The following LRRC49 variants were observed in gnomAD, a reference collection of about 807,000 sequenced individuals.
LRRC49 encodes the protein leucine-rich repeat-containing protein 49.
LRRC49 carries 50 observed loss-of-function variants against 83.3 expected under a neutral mutation model. The ratio of observed to expected loss-of-function variants is 0.60; its 90% CI spans 0.48 to 0.76. The LOEUF (loss-of-function observed/expected upper bound fraction) is 0.76, where lower values mean the gene tolerates loss of function less well. LRRC49 is among the 30% of genes least tolerant of loss of function. The pLI is 0.00. For synonymous variants in LRRC49, 286 were observed against 283.3 expected (o/e 1.01, Z -0.10); for missense variants, 704 against 809.1 (o/e 0.87, Z 1.58).
chr15:70,982,578 G>GA (rs2037442559), intron 10 of LRRC49, among the ~76,000 whole-genome samples: 2 of 151,984 alleles, frequency 1.3e-5, no homozygotes, highest in South Asian at 4.1e-4. Context: ...ACAAAATTTT[G>GA]AAACACCAAA....
chr15:70,871,921 C>G (rs1323158151), intron 1 of LRRC49, among the ~76,000 whole-genome samples: 1 of 141,152 alleles, frequency 7.1e-6, no homozygotes, highest in African/African-American at 2.7e-5. Flanking sequence ...ACTGGGCGGC[C>G]GGGCAGAGGG....
intron 14 of LRRC49, among the ~76,000 whole-genome samples, chr15:71,027,120 AAAGGTGTAAGG>A (rs1183546155): frequency 6.6e-6 from 1 of 151,734 alleles, no homozygotes; most frequent in African/African-American, 2.4e-5. Flanking sequence ...ACTTTTTGTA[AAAGGTGTAAGG>A]AAGGGGTCCA....
rs2036431712 is a variant in LRRC49, at chr15:70,957,145, T to C, written c.774-6640T>C. Among the ~76,000 whole-genome samples, 2 of 152,202 alleles carry C rather than the reference T, an allele frequency of 1.3e-5. 1 individual carries two copies. Among genetic ancestry groups the C allele is most frequent in the South Asian group, 4.1e-4 (2 of 4,834 alleles). Reference sequence around the variant, plus strand: ...ACCACCCATTCTTAGACCAATTCCATTGGCAATTATTAGATCAATTTAATT... The same window carrying C: ...ACCACCCATTCTTAGACCAATTCCACTGGCAATTATTAGATCAATTTAATT... On this transcript the variant is annotated intron_variant, in intron 8 of 15. Coordinates refer to ENST00000260382, the MANE Select transcript of LRRC49 (RefSeq NM_017691.5).
intron 15 of LRRC49, among the ~76,000 whole-genome samples, chr15:71,038,921 A>G (rs560200322): frequency 6.6e-6 from 1 of 152,326 alleles, no homozygotes; most frequent in African/African-American, 2.4e-5. Flanking sequence ...TACTAGGGCT[A>G]TAAAAAGACA....
At position 70,916,310 on chromosome 15, in the gene LRRC49, T is replaced by A. The variant is rs535797638; in HGVS notation, c.568-2740T>A. 6.7e-4 allele frequency among the ~76,000 whole-genome samples: 102 copies of A among 152,132 alleles called. 1 individual carries two copies. The highest frequency in any genetic ancestry group is 1.9e-3 in the Admixed American group (29 of 15,276). ...ATTATTTATTATTATTATTATTATT[T>A]TTGAGGTGGAGTTTCGCTCTGTCGC... On this transcript the variant is annotated intron_variant, in intron 6 of 15. Transcript: ENST00000260382.
At chr15:70,923,711 C>T (rs1364882939) in intron 7 of LRRC49, among the ~76,000 whole-genome samples, 1 of 151,558 alleles carries the variant, frequency 6.6e-6, no homozygotes, top group Non-Finnish European at 1.5e-5. Context: ...TAAAGAATTC[C>T]CAGTACAAAA....
intron 2 of LRRC49, chr15:70,883,040 C>A: frequency 1.2e-6 from 1 of 808,990 alleles, no homozygotes; most frequent in African/African-American, 1.7e-5. Context: ...ATATTTGAAC[C>A]TAGGCAAGGT....
chr15:70,858,609 A>G, intron 1 of LRRC49: 1 of 512,280 alleles, frequency 2.0e-6, no homozygotes. Context: ...GTCTCAATTA[A>G]AAACAAAACA....
At chr15:70,978,570 T>A (rs979050658) in intron 9 of LRRC49, among the ~76,000 whole-genome samples, 3 of 152,214 alleles carry the variant, frequency 2.0e-5, no homozygotes, top group Non-Finnish European at 4.4e-5. Flanking sequence ...CATCAGGTTT[T>A]AAATCAAATG....
intron 3 of LRRC49, chr15:70,900,461 A>C (rs1315218108): frequency 2.2e-6 from 1 of 456,560 alleles, no homozygotes; most frequent in African/African-American, 2.0e-5. Flanking sequence ...TGACAGAACT[A>C]TATGGGCTGG....
At position 70,862,383 on chromosome 15, in the gene LRRC49, C is replaced by T. The variant is rs576142067; in HGVS notation, c.-299+8914C>T. Among the ~76,000 whole-genome samples, 155 of 152,072 alleles carry T rather than the reference C, an allele frequency of 1.0e-3. 1 individual carries two copies. The highest frequency in any genetic ancestry group is 3.6e-3 in the African/African-American group (149 of 41,484). The stretch of plus-strand genomic sequence containing the variant: ...CACAAGGCCAGGAGATCGAGACCAT[C>T]CTGGCTAACAACGTGAAACCCCGTC... On this transcript the variant is annotated intron_variant, in intron 1 of 16. Transcript: ENST00000544974.
intron 8 of LRRC49, among the ~76,000 whole-genome samples, chr15:70,953,138 C>T (rs556246641): frequency 2.0e-5 from 3 of 152,174 alleles, no homozygotes; most frequent in East Asian, 1.9e-4. Flanking sequence ...AATTCAGGGT[C>T]GGTATTGGAC....
chr15:71,035,432 G>C (rs1050592047), intron 14 of LRRC49, among the ~76,000 whole-genome samples: 1 of 151,910 alleles, frequency 6.6e-6, no homozygotes, highest in Admixed American at 6.6e-5. Context: ...GTGCCATGGT[G>C]GTTTGCTCCA....
At chr15:70,921,596 T>C (rs1181824654) in intron 7 of LRRC49, among the ~76,000 whole-genome samples, 1 of 152,196 alleles carries the variant, frequency 6.6e-6, no homozygotes, top group Non-Finnish European at 1.5e-5. Context: ...TGGAGTAAGA[T>C]GGCATTCAGT....
chr15:70,953,139 G>A (rs1462775756), intron 8 of LRRC49, among the ~76,000 whole-genome samples: 8 of 152,060 alleles, frequency 5.3e-5, no homozygotes, highest in South Asian at 2.1e-4. Context: ...ATTCAGGGTC[G>A]GTATTGGACT....
chr15:71,049,744 C>T lies in LRRC49; in HGVS notation c.*132C>T, dbSNP rs529849934. On this transcript the variant is annotated 3_prime_UTR_variant, in exon 16 of 16. Coordinates refer to ENST00000260382, the MANE Select transcript of LRRC49 (RefSeq NM_017691.5). Reference sequence around the variant, plus strand: ...AAGACTAGTATAAAAGCATTATTGCCCACTGTTCTCATAGCTAAAAGTTAA... The same window carrying T: ...AAGACTAGTATAAAAGCATTATTGCTCACTGTTCTCATAGCTAAAAGTTAA... The T allele has an allele frequency of 8.0e-5, 48 of 603,342 alleles. 1 individual carries two copies. In the South Asian group the frequency reaches 9.5e-4, roughly 12 times the overall value. The allele number at this position is 603,342 out of a possible 1,614,324, so 37.4% of individuals were successfully genotyped here.
At chr15:70,966,941 A>G (rs2036815803) in intron 9 of LRRC49, among the ~76,000 whole-genome samples, 1 of 152,172 alleles carries the variant, frequency 6.6e-6, no homozygotes, top group Admixed American at 6.6e-5. Flanking sequence ...TAGATGGATC[A>G]ATAGAGATAT....
intron 4 of LRRC49, among the ~76,000 whole-genome samples, chr15:70,904,269 A>G (rs750868695): frequency 6.6e-6 from 1 of 152,196 alleles, no homozygotes; most frequent in African/African-American, 2.4e-5. Context: ...ATGTTTTCTC[A>G]TGTTAAGTCA....
At chr15:70,969,686 A>G (rs1222275978) in intron 9 of LRRC49, among the ~76,000 whole-genome samples, 1 of 152,090 alleles carries the variant, frequency 6.6e-6, no homozygotes, top group Non-Finnish European at 1.5e-5. Flanking sequence ...CTCCTTGAAG[A>G]GGTCCTTCAC....
Sources: allele counts gnomAD v4.1 joint callset (sites outside exome capture counted in the v4.1 genomes callset), GRCh38; gene constraint gnomAD v4.1.1; transcripts MANE v1.5; gene names NCBI Gene and HGNC (gene_info 2026-07-23, HGNC 2026-07-21).